SOX5: variants seen among roughly 807,000 people sequenced by gnomAD.
SOX5 encodes the protein transcription factor SOX-5.
In SOX5, 9 loss-of-function variants were observed where a neutral mutation model predicts 92.0. The ratio of observed to expected loss-of-function variants is 0.10; its 90% CI spans 0.06 to 0.17. The LOEUF (loss-of-function observed/expected upper bound fraction) is 0.17. SOX5 is among the 10% of genes least tolerant of loss of function. SOX5 has a pLI of 1.00. For missense variants in SOX5, 642 were observed against 944.5 expected (o/e 0.68, Z 4.20); for synonymous variants, 344 against 336.3 (o/e 1.02, Z -0.25).
chr12:24,213,359 T>C (rs1958845638), exon 4 of SOX5: 1 of 144,392 alleles, frequency 6.9e-6, no homozygotes, highest in East Asian at 2.0e-4. Flanking sequence ...AGTCTCCCAG[T>C]CCAATCTCTC....
intron 1 of SOX5, among the ~76,000 whole-genome samples, chr12:24,381,784 G>C (rs1957854908): frequency 6.6e-6 from 1 of 152,200 alleles, no homozygotes; most frequent in African/African-American, 2.4e-5. Context: ...TCAAAAGACA[G>C]TGGTTAATTA....
intron 4 of SOX5, among the ~76,000 whole-genome samples, chr12:24,124,563 AAAAAAAAAAAAAG>A (rs1230810879): frequency 1.6e-4 from 3 of 18,998 alleles, no homozygotes; most frequent in Non-Finnish European, 3.9e-4. Flanking sequence ...GGAATGGGAC[AAAAAAAAAAAAAG>A]AAAAAAAGAA....
At chr12:24,086,114 T>C (rs931748406) in intron 4 of SOX5, among the ~76,000 whole-genome samples, 7 of 152,054 alleles carry the variant, frequency 4.6e-5, no homozygotes, top group Admixed American at 2.0e-4. Context: ...TTTTAAACGG[T>C]TCTACCTATG....
At chr12:23,743,060 A>G (rs1347471181) in intron 4 of SOX5, among the ~76,000 whole-genome samples, 1 of 152,202 alleles carries the variant, frequency 6.6e-6, no homozygotes. Context: ...GAATAACCAA[A>G]TAATTATGGG....
chr12:23,889,028 T>C (rs2097101169), intron 2 of SOX5, among the ~76,000 whole-genome samples: 1 of 152,214 alleles, frequency 6.6e-6, no homozygotes, highest in Non-Finnish European at 1.5e-5. Flanking sequence ...ACTGCACATA[T>C]GGCTTCCAAG....
At chr12:24,029,921 T>C (rs1955294266) in intron 4 of SOX5, among the ~76,000 whole-genome samples, 1 of 152,028 alleles carries the variant, frequency 6.6e-6, no homozygotes, top group Non-Finnish European at 1.5e-5. Flanking sequence ...TAACCACATC[T>C]ATGTAGCACT....
chr12:24,323,707 T>A (rs10082843), intron 2 of SOX5, among the ~76,000 whole-genome samples: 31,050 of 151,882 alleles, frequency 0.2, 3,480 homozygotes, highest in East Asian at 0.52. Context: ...TATTGAATAG[T>A]GGGTAAAAAG....
chr12:24,520,401 A>G (rs1950165477), intron 1 of SOX5, among the ~76,000 whole-genome samples: 3 of 152,284 alleles, frequency 2.0e-5, no homozygotes, highest in African/African-American at 4.8e-5. Flanking sequence ...CTAAGATGCT[A>G]TCAACTTAAA....
intron 2 of SOX5, among the ~76,000 whole-genome samples, chr12:23,866,605 C>T (rs986291775): frequency 1.3e-5 from 2 of 152,188 alleles, no homozygotes; most frequent in African/African-American, 4.8e-5. Context: ...ACTGAGCCTA[C>T]AACGTCTCCA....
chr12:24,219,684 A>G (rs560091942), intron 3 of SOX5, among the ~76,000 whole-genome samples: 28 of 152,244 alleles, frequency 1.8e-4, no homozygotes, highest in Admixed American at 9.2e-4. Context: ...TAGTTAAAAC[A>G]TATTTTACTA....
At chr12:23,774,031 T>C (rs1431693208) in intron 3 of SOX5, among the ~76,000 whole-genome samples, 1 of 151,960 alleles carries the variant, frequency 6.6e-6, no homozygotes, top group Admixed American at 6.6e-5. Flanking sequence ...TTTTAAAAAG[T>C]AAAATTATGA....
At chr12:23,973,609 G>A (rs1331452414) in intron 4 of SOX5, among the ~76,000 whole-genome samples, 1 of 152,132 alleles carries the variant, frequency 6.6e-6, no homozygotes, top group Non-Finnish European at 1.5e-5. Flanking sequence ...TTAACTGCAG[G>A]AGACACATTC....
At chr12:24,317,986 G>A (rs1396232471) in intron 2 of SOX5, among the ~76,000 whole-genome samples, 1 of 152,046 alleles carries the variant, frequency 6.6e-6, no homozygotes, top group African/African-American at 2.4e-5. Flanking sequence ...TGAGGTGGGC[G>A]GATCACCTGA....
At chr12:24,215,457 A>T (rs1375592168) in intron 3 of SOX5, among the ~76,000 whole-genome samples, 3 of 152,190 alleles carry the variant, frequency 2.0e-5, no homozygotes, top group African/African-American at 7.2e-5. Context: ...ACAAACTAGT[A>T]ATGAACATTC....
intron 3 of SOX5, among the ~76,000 whole-genome samples, chr12:24,274,549 G>C (rs918798165): frequency 1.3e-5 from 2 of 151,946 alleles, no homozygotes; most frequent in Non-Finnish European, 2.9e-5. Context: ...AAGTAAACAG[G>C]TATAAGTGGT....
chr12:24,154,197 G>A (rs1951934520), intron 4 of SOX5, among the ~76,000 whole-genome samples: 2 of 152,110 alleles, frequency 1.3e-5, no homozygotes, highest in Middle Eastern at 3.4e-3. Context: ...CTCAAAATAT[G>A]CATGTAGCCT....
At chr12:23,855,604 G>A (rs1356603752) in intron 2 of SOX5, among the ~76,000 whole-genome samples, 1 of 151,796 alleles carries the variant, frequency 6.6e-6, no homozygotes, top group African/African-American at 2.4e-5. Flanking sequence ...TTCTTTGTGA[G>A]GACATCAGCA....
intron 1 of SOX5, among the ~76,000 whole-genome samples, chr12:24,370,767 G>C (rs1956660498): frequency 6.6e-6 from 1 of 152,190 alleles, no homozygotes; most frequent in South Asian, 2.1e-4. Context: ...ACTCCAGCCT[G>C]GATGACAGAA....
intron 4 of SOX5, among the ~76,000 whole-genome samples, chr12:24,053,177 CG>C (rs144677860): frequency 1.6e-4 from 22 of 137,204 alleles, no homozygotes; most frequent in African/African-American, 6.1e-4. Context: ...TGCTACTGCA[CG>C]CCCCCCCCCT....
Sources: allele counts gnomAD v4.1 joint callset (sites outside exome capture counted in the v4.1 genomes callset), GRCh38; gene constraint gnomAD v4.1.1; transcripts MANE v1.5; gene names NCBI Gene and HGNC (gene_info 2026-07-23, HGNC 2026-07-21).